The following P2RX3 variants were observed in gnomAD, a reference collection of about 807,000 sequenced individuals.
The protein encoded by P2RX3 is P2X purinoceptor 3.
A neutral mutation model predicts 51.5 loss-of-function variants in P2RX3; 41 were observed. The observed-to-expected ratio is 0.80, with a 90% CI of 0.62 to 1.03. P2RX3 has a LOEUF of 1.03. Among genes scored for constraint, P2RX3 ranks in the 50% least tolerant of loss-of-function variants. P2RX3 has a pLI of 0.00. For synonymous variants in P2RX3, 185 were observed against 191.6 expected (o/e 0.97, Z 0.29); for missense variants, 459 against 522.1 (o/e 0.88, Z 1.18).
intron 8 of P2RX3, among the ~76,000 whole-genome samples, chr11:57,351,900 T>G (rs1856554694): frequency 6.6e-6 from 1 of 152,236 alleles, no homozygotes; most frequent in East Asian, 1.9e-4. Flanking sequence ...AATGTGATGT[T>G]TTGATACATG....
At chr11:57,369,257 T>C in intron 10 of P2RX3, 104 bp from the exon 11 acceptor site, 1 of 948,914 alleles carries the variant, frequency 1.1e-6, no homozygotes. Context: ...CTGCCCACTG[T>C]TTAGGCAGCT....
chr11:57,370,103 C>A lies in P2RX3; in HGVS notation c.*106C>A. The A allele has an allele frequency of 1.3e-6, 1 of 797,214 alleles. No individual in the cohort carries two copies. Among genetic ancestry groups the A allele is most frequent in the Non-Finnish European group, 2.1e-6 (1 of 486,832 alleles). 49.4% of individuals were successfully genotyped at this position (797,214 alleles called of 1,614,324 possible). On this transcript the variant is annotated 3_prime_UTR_variant, in exon 12 of 12. Transcript: ENST00000263314. ...GGAAGAGGGGCTCTCATTTCTGCTG[C>A]TCATTCCATGAGCATAGCTGGGACC... is the stretch of plus-strand genomic sequence containing the variant.
At position 57,348,277 on chromosome 11, in the gene P2RX3, C is replaced by A. The variant is rs1856479384; in HGVS notation, c.485+14C>A. On this transcript the variant is annotated intron_variant, in intron 5 of 11. Coordinates refer to ENST00000263314, the MANE Select transcript of P2RX3 (RefSeq NM_002559.5). Reference sequence around the variant, plus strand: ...CACAGTGGAAACGTAAGGCTCCAAGCCAGACAGGAGGAGACAGGCCCCCAC... The same window carrying A: ...CACAGTGGAAACGTAAGGCTCCAAGACAGACAGGAGGAGACAGGCCCCCAC... The A allele has an allele frequency of 4.4e-6, 7 of 1,588,066 alleles. No homozygotes were observed. The highest frequency in any genetic ancestry group is 5.1e-6 in the Non-Finnish European group (6 of 1,167,206).
intron 1 of P2RX3, among the ~76,000 whole-genome samples, chr11:57,338,914 C>T (rs1189083688): frequency 6.6e-6 from 1 of 152,164 alleles, no homozygotes; most frequent in Admixed American, 6.5e-5. Flanking sequence ...GACACACGCT[C>T]GGAGTAGTAG....
intron 4 of P2RX3, among the ~76,000 whole-genome samples, chr11:57,347,749 G>A (rs537481335): frequency 1.3e-5 from 2 of 152,154 alleles, no homozygotes; most frequent in Non-Finnish European, 2.9e-5. Context: ...TGTTGAGCCT[G>A]GGGGAGGGGG....
upstream of P2RX3, among the ~76,000 whole-genome samples, chr11:57,338,038 G>A (rs2134400402): frequency 6.6e-6 from 1 of 152,336 alleles, no homozygotes; most frequent in Middle Eastern, 3.4e-3. Flanking sequence ...GCGCAGAACT[G>A]GGTGGAATTT....
intron 8 of P2RX3, among the ~76,000 whole-genome samples, chr11:57,356,528 T>C (rs1856634232): frequency 6.6e-6 from 1 of 152,218 alleles, no homozygotes; most frequent in South Asian, 2.1e-4. Flanking sequence ...CTAGTGATCG[T>C]TTTATGTTGG....
At chr11:57,343,747 G>A (rs1856383722) in intron 1 of P2RX3, among the ~76,000 whole-genome samples, 1 of 152,172 alleles carries the variant, frequency 6.6e-6, no homozygotes, top group Non-Finnish European at 1.5e-5. Context: ...CTATTCTGTG[G>A]CTAGGCACAT....
chr11:57,355,138 G>T (rs924343975), intron 8 of P2RX3, among the ~76,000 whole-genome samples: 2 of 152,106 alleles, frequency 1.3e-5, no homozygotes, highest in Admixed American at 6.6e-5. Context: ...CGGACCTGAG[G>T]GGCACCTGCA....
intron 5 of P2RX3, 138 bp downstream of exon 5, chr11:57,348,401 C>T (rs981610148): frequency 3.5e-6 from 3 of 868,020 alleles, no homozygotes; most frequent in African/African-American, 1.7e-5. Context: ...TGGGGGGTGG[C>T]CTCAGGCCCA....
At chr11:57,356,372 A>C (rs1856631680) in intron 8 of P2RX3, among the ~76,000 whole-genome samples, 1 of 152,236 alleles carries the variant, frequency 6.6e-6, no homozygotes, top group Non-Finnish European at 1.5e-5. Context: ...TGCATTTCAA[A>C]ATGCCTGATT....
At chr11:57,346,511 C>T (rs1025374934) in intron 1 of P2RX3, 33 bp from the exon 2 acceptor site, 4 of 1,610,496 alleles carry the variant, frequency 2.5e-6, no homozygotes, top group African/African-American at 1.3e-5. Flanking sequence ...ATGGACTCCT[C>T]TCTTTCTCTT....
chr11:57,337,892 G>C (rs1192545785), upstream of P2RX3, among the ~76,000 whole-genome samples: 2 of 152,272 alleles, frequency 1.3e-5, no homozygotes, highest in Non-Finnish European at 2.9e-5. Flanking sequence ...TACAGGTAGA[G>C]CGAAGCTCAT....
At chr11:57,341,385 C>A (rs1017540754) in intron 1 of P2RX3, among the ~76,000 whole-genome samples, 2 of 152,224 alleles carry the variant, frequency 1.3e-5, no homozygotes, top group Admixed American at 1.3e-4. Flanking sequence ...TCCATCATTT[C>A]TCTGAGAACT....
intron 8 of P2RX3, among the ~76,000 whole-genome samples, chr11:57,355,881 G>A (rs748096104): frequency 1.1e-4 from 17 of 152,146 alleles, no homozygotes; most frequent in African/African-American, 2.4e-4. Flanking sequence ...AGCCTATCCC[G>A]TAGCCAGGTG....
upstream of P2RX3, among the ~76,000 whole-genome samples, chr11:57,337,378 C>T (rs1015592587): frequency 6.6e-5 from 9 of 136,892 alleles, no homozygotes; most frequent in African/African-American, 2.4e-4. Flanking sequence ...AAAAAAAAAC[C>T]CAGCCCCAAC....
intron 8 of P2RX3, among the ~76,000 whole-genome samples, chr11:57,362,347 C>T (rs763748606): frequency 1.3e-5 from 2 of 152,112 alleles, no homozygotes; most frequent in Non-Finnish European, 2.9e-5. Flanking sequence ...GTCATTCTCA[C>T]CAACCCCAAT....
At chr11:57,363,305 G>C (rs1856747920) in intron 8 of P2RX3, among the ~76,000 whole-genome samples, 1 of 152,170 alleles carries the variant, frequency 6.6e-6, no homozygotes, top group Non-Finnish European at 1.5e-5. Flanking sequence ...CAACAGTCAG[G>C]GTTAGCATTG....
chr11:57,367,333 T>A (rs577868887), intron 8 of P2RX3, among the ~76,000 whole-genome samples: 1 of 152,332 alleles, frequency 6.6e-6, no homozygotes, highest in Non-Finnish European at 1.5e-5. Flanking sequence ...AGCTGGGCTC[T>A]GGGAGACCCA....
Sources: allele counts gnomAD v4.1 joint callset (sites outside exome capture counted in the v4.1 genomes callset), GRCh38; gene constraint gnomAD v4.1.1; transcripts MANE v1.5; gene names NCBI Gene and HGNC (gene_info 2026-07-23, HGNC 2026-07-21).